The following PHF2 variants were observed in gnomAD, a reference collection of about 807,000 sequenced individuals.
PHF2 encodes the protein lysine-specific demethylase PHF2.
A neutral mutation model predicts 120.5 loss-of-function variants in PHF2; 27 were observed. That is an observed-to-expected ratio of 0.22 (90% CI 0.17 to 0.31). PHF2 has a LOEUF of 0.31. PHF2 is among the 10% of genes least tolerant of loss of function. The probability of loss-of-function intolerance (pLI) is 1.00; values close to 1 mark genes in which losing one functional copy is unlikely to be tolerated. For synonymous variants in PHF2, 568 were observed against 592.5 expected (o/e 0.96, Z 0.60); for missense variants, 1,024 against 1,434.8 (o/e 0.71, Z 4.63).
intron 1 of PHF2, among the ~76,000 whole-genome samples, chr9:93,622,883 C>T (rs1396745628): frequency 6.6e-6 from 1 of 152,198 alleles, no homozygotes; most frequent in Non-Finnish European, 1.5e-5. Context: ...GGTGGTCTGA[C>T]CTCTGACCTT....
chr9:93,633,078 C>T (rs1826027011), intron 2 of PHF2, among the ~76,000 whole-genome samples: 2 of 152,184 alleles, frequency 1.3e-5, no homozygotes, highest in African/African-American at 4.8e-5. Context: ...CTTGAACCTG[C>T]CTCCACCTGT....
rs1291419488 is a variant in PHF2 at position 93,576,736 on chromosome 9, C to T, written c.-38C>T. 1 of 1,088,604 alleles carries T rather than the reference C, an allele frequency of 9.2e-7. No individual in the cohort carries two copies. 67.4% of individuals were successfully genotyped at this position (1,088,604 alleles called of 1,614,324 possible). On this transcript the variant is annotated 5_prime_UTR_variant, in exon 1 of 22. Transcript: ENST00000359246. The stretch of plus-strand genomic sequence containing the variant: ...GCCCGGCCCGGACCGACCCGGGCAG[C>T]GCAGCGGCGGGGCCGAGCGGCGGCG...
chr9:93,615,693 C>G (rs1032063842), intron 1 of PHF2, among the ~76,000 whole-genome samples: 2 of 152,212 alleles, frequency 1.3e-5, no homozygotes, highest in Non-Finnish European at 2.9e-5. Flanking sequence ...GAGCCCTGCC[C>G]TTGTCATCCT....
intron 1 of PHF2, among the ~76,000 whole-genome samples, chr9:93,593,602 T>C (rs1825275102): frequency 6.6e-6 from 1 of 152,208 alleles, no homozygotes; most frequent in African/African-American, 2.4e-5. Flanking sequence ...TAAAAGTATA[T>C]AAAGAATGAA....
In PHF2 at chr9:93,622,537, T is replaced by A. The variant is rs559790080; in HGVS notation, c.99-7433T>A. 2.8e-3 allele frequency among the ~76,000 whole-genome samples: 420 copies of A among 152,210 alleles called. 2 individuals are homozygous for A. The highest frequency in any genetic ancestry group is 3.3e-3 in the Non-Finnish European group (223 of 67,992). On this transcript the variant is annotated intron_variant, in intron 1 of 21. Coordinates refer to ENST00000359246, the MANE Select transcript of PHF2 (RefSeq NM_005392.4). ...AGGGCAACGTCTGTGAGAGCTCGGC[T>A]GGCCATCACTGGCTTTGAACATGGA... is the stretch of plus-strand genomic sequence containing the variant.
At position 93,677,634 on chromosome 9, in the gene PHF2, G is replaced by A; in HGVS notation, c.3249G>A (p.Gly1083=). 1 of 1,613,924 alleles carries A rather than the reference G, an allele frequency of 6.2e-7. No individual in the cohort carries two copies. Among genetic ancestry groups the A allele is most frequent in the Non-Finnish European group, 8.5e-7 (1 of 1,179,954 alleles). The part of the protein sequence containing the change: ...KGMATAKQRL[G]KILKIHRNGK... ...TGGCGACCGCCAAGCAGAGGCTTGG[G>A]AAAATTTTGAAAATTCATCGGAACG... Residue 1083 remains glycine, a synonymous_variant, in exon 22 of 22, where the codon GGG becomes GGA. Transcript: ENST00000359246. This position sits in a 1 kb window ranked among gnomAD's most constrained non-coding sequence, Gnocchi z 4.4.
intron 17 of PHF2, among the ~76,000 whole-genome samples, chr9:93,671,455 T>G (rs1826790017): frequency 1.1e-5 from 1 of 93,140 alleles, no homozygotes; most frequent in Non-Finnish European, 2.1e-5. Flanking sequence ...TGGATGTAGG[T>G]ACAGGTGTAG....
At chr9:93,581,343 C>G (rs1862926015) in intron 1 of PHF2, among the ~76,000 whole-genome samples, 1 of 152,134 alleles carries the variant, frequency 6.6e-6, no homozygotes, top group Non-Finnish European at 1.5e-5. Flanking sequence ...GGAAGGAGGT[C>G]CTGCCGTGGG....
intron 1 of PHF2, among the ~76,000 whole-genome samples, chr9:93,600,492 C>G (rs1230159601): frequency 6.6e-6 from 1 of 152,208 alleles, no homozygotes; most frequent in African/African-American, 2.4e-5. Flanking sequence ...TGTGGGACAG[C>G]TTTGCAAGCT....
chr9:93,579,367 G>T (rs968627745), intron 1 of PHF2, among the ~76,000 whole-genome samples: 1 of 152,046 alleles, frequency 6.6e-6, no homozygotes, highest in Non-Finnish European at 1.5e-5. Flanking sequence ...TCCAAAAATG[G>T]TACAGTTTCC....
chr9:93,612,690 A>G (rs1319405599), intron 1 of PHF2, among the ~76,000 whole-genome samples: 6 of 152,242 alleles, frequency 3.9e-5, no homozygotes, highest in Admixed American at 2.0e-4. Context: ...TTTGCAAGCA[A>G]GCATTTATTT....
chr9:93,586,034 G>A (rs1863037494), intron 1 of PHF2, among the ~76,000 whole-genome samples: 1 of 152,250 alleles, frequency 6.6e-6, no homozygotes, highest in Admixed American at 6.5e-5. Flanking sequence ...AGGAGAGACT[G>A]AGGCCTGGAG....
At chr9:93,590,765 C>T (rs1825204472) in intron 1 of PHF2, among the ~76,000 whole-genome samples, 2 of 152,210 alleles carry the variant, frequency 1.3e-5, no homozygotes, top group Admixed American at 1.3e-4. Flanking sequence ...CAGCATCCTT[C>T]CCCTGAAGGG....
chr9:93,670,734 A>C (rs1055742952), intron 17 of PHF2, among the ~76,000 whole-genome samples: 1 of 152,202 alleles, frequency 6.6e-6, no homozygotes, highest in African/African-American at 2.4e-5. Flanking sequence ...GAGCCTAGAC[A>C]GGCTGATCAC....
At chr9:93,581,136 T>A (rs1248857104) in intron 1 of PHF2, among the ~76,000 whole-genome samples, 1 of 152,112 alleles carries the variant, frequency 6.6e-6, no homozygotes, top group Non-Finnish European at 1.5e-5. Flanking sequence ...CAGCCTGCCC[T>A]CCTCCTCAGG....
rs781371521 is a variant in PHF2, at chr9:93,677,598, G to A, written c.3213G>A (p.Thr1071=). ...NNNTAAKGKR[T]KKGMATAKQR... ...CCCCGACTCCCCTAGGAAAACGTACGAAAAAGGGCATGGCGACCGCCAAGC... is the reference window on the plus strand; with the variant it reads ...CCCCGACTCCCCTAGGAAAACGTACAAAAAAGGGCATGGCGACCGCCAAGC... Residue 1071 remains threonine (T), a synonymous_variant, in exon 22 of 22, where the codon ACG becomes ACA. Transcript: ENST00000359246. This position sits in a 1 kb window ranked among gnomAD's most constrained non-coding sequence, Gnocchi z 4.4. 3.1e-6 allele frequency: 5 copies of A among 1,613,626 alleles called. No homozygotes were observed. Among genetic ancestry groups the A allele is most frequent in the East Asian group, 2.2e-5 (1 of 44,824 alleles).
chr9:93,615,760 C>T (rs1389695823), intron 1 of PHF2, among the ~76,000 whole-genome samples: 3 of 152,124 alleles, frequency 2.0e-5, no homozygotes, highest in Admixed American at 2.0e-4. Context: ...TTATGAGACA[C>T]CTGGGGGACT....
intron 1 of PHF2, among the ~76,000 whole-genome samples, chr9:93,622,367 T>C (rs1334344129): frequency 6.6e-6 from 1 of 152,212 alleles, no homozygotes; most frequent in African/African-American, 2.4e-5. Flanking sequence ...CCTGCAACTT[T>C]AAGTAGCATT....
intron 3 of PHF2, among the ~76,000 whole-genome samples, chr9:93,640,681 G>A (rs567728164): frequency 2.3e-4 from 35 of 152,080 alleles, no homozygotes; most frequent in African/African-American, 6.8e-4. Flanking sequence ...CTGATAATTC[G>A]GAAATCTGTG....
Sources: allele counts gnomAD v4.1 joint callset (sites outside exome capture counted in the v4.1 genomes callset), GRCh38; gene constraint gnomAD v4.1.1; non-coding constraint Gnocchi (gnomAD v3.1); transcripts MANE v1.5; gene names NCBI Gene and HGNC (gene_info 2026-07-23, HGNC 2026-07-21).